The following NOTCH2 variants were observed in gnomAD, a reference collection of about 807,000 sequenced individuals.
NOTCH2 encodes the protein notch receptor 2.
A neutral mutation model predicts 235.8 loss-of-function variants in NOTCH2; 29 were observed. The ratio of observed to expected loss-of-function variants is 0.12; its 90% CI spans 0.09 to 0.17. The LOEUF (loss-of-function observed/expected upper bound fraction) is 0.17, where lower values mean the gene tolerates loss of function less well. Among genes scored for constraint, NOTCH2 ranks in the 10% least tolerant of loss-of-function variants. The probability of loss-of-function intolerance (pLI) is 1.00; values close to 1 mark genes in which losing one functional copy is unlikely to be tolerated. For missense variants in NOTCH2, 2,285 were observed against 3,150.2 expected, an observed-to-expected ratio of 0.73 and a Z score of 6.57; for synonymous variants, 1,086 against 1,141.5, an observed-to-expected ratio of 0.95 and a Z score of 0.98.
chr1:119,950,387 T>C, intron 15 of NOTCH2: 1 of 441,524 alleles, frequency 2.3e-6, no homozygotes, highest in Non-Finnish European at 4.4e-6. Flanking sequence ...GGTAGCTGTA[T>C]TATTGAAACT....
chr1:120,002,590 A>G (rs1317428763), intron 3 of NOTCH2, among the ~76,000 whole-genome samples: 1 of 140,598 alleles, frequency 7.1e-6, no homozygotes, highest in Non-Finnish European at 1.5e-5. Context: ...CAAAATGGGT[A>G]GAAGAAGGTA....
intron 17 of NOTCH2, among the ~76,000 whole-genome samples, chr1:119,946,557 A>T (rs1557816185): frequency 1.3e-5 from 2 of 152,074 alleles, no homozygotes; most frequent in South Asian, 4.1e-4. Flanking sequence ...AAGACCAAAA[A>T]ATAATATCAC....
chr1:120,028,780 C>T (rs1653971136), intron 2 of NOTCH2, among the ~76,000 whole-genome samples: 1 of 138,108 alleles, frequency 7.2e-6, no homozygotes, highest in South Asian at 2.4e-4. Context: ...AGAACAACTA[C>T]TCCTCACAAA....
chr1:120,029,221 C>T lies in NOTCH2; in HGVS notation c.155+685G>A, dbSNP rs781959287. Reference sequence around the variant, plus strand: ...AATATAATATTCACATATACTGGGCCGAATATTAAAGTTGATATCTATTTG... The same window carrying T: ...AATATAATATTCACATATACTGGGCTGAATATTAAAGTTGATATCTATTTG... On this transcript the variant is annotated intron_variant, in intron 2 of 33. Coordinates refer to ENST00000256646, the MANE Select transcript of NOTCH2 (RefSeq NM_024408.4). 6.9e-3 allele frequency among the ~76,000 whole-genome samples: 1,023 copies of T among 148,600 alleles called. 8 individuals are homozygous for T. Among genetic ancestry groups the T allele is most frequent in the Non-Finnish European group, 0.011 (710 of 66,706 alleles).
Position 119,915,974 on chromosome 1 carries a change from G to C in NOTCH2, c.6748C>G (p.Pro2250Ala). The part of the protein sequence containing the change: ...SLSRLHPVPV[P>A]ADWMNRMEVN... ...TCCATGCGGTTCATCCAATCTGCTG[G>C]GACTGGGACTGGATGGAGCCTACTC... The change falls in exon 34 of 34, where the codon CCA (proline) becomes GCA (alanine). Residue 2250 changes from proline to alanine, a missense_variant. Coordinates refer to ENST00000256646, the MANE Select transcript of NOTCH2 (RefSeq NM_024408.4). 6.2e-7 allele frequency: 1 copy of C among 1,614,018 alleles called. No individual in the cohort carries two copies. Among genetic ancestry groups the C allele is most frequent in the Non-Finnish European group, 8.5e-7 (1 of 1,180,038 alleles).
chr1:119,945,057 T>C (rs1205086207), intron 17 of NOTCH2, among the ~76,000 whole-genome samples: 1 of 152,118 alleles, frequency 6.6e-6, no homozygotes, highest in Non-Finnish European at 1.5e-5. Context: ...CTATATACAT[T>C]TTATAACAAC....
Position 119,930,400 on chromosome 1 carries a change from G to C in NOTCH2, c.3656-1188C>G, listed in dbSNP as rs1649613976. On this transcript the variant is annotated intron_variant, in intron 22 of 33. Transcript: ENST00000256646. ...ACTATAGATGTAAATGAGCCATCTA[G>C]TATGAATATCTGCATATAGTGTCTT... Among the ~76,000 whole-genome samples the C allele has an allele frequency of 2.0e-5, 3 of 150,202 alleles. No individual in the cohort carries two copies. The South Asian group carries it at 6.3e-4, about 32-fold the overall frequency.
intron 5 of NOTCH2, among the ~76,000 whole-genome samples, chr1:119,985,888 T>C (rs1306292541): frequency 2.6e-5 from 4 of 152,154 alleles, no homozygotes; most frequent in African/African-American, 9.7e-5. Context: ...GTCCCAATTC[T>C]AGGAAAACCT....
intron 17 of NOTCH2, among the ~76,000 whole-genome samples, chr1:119,944,803 T>TA (rs1650196764): frequency 6.6e-6 from 1 of 151,864 alleles, no homozygotes; most frequent in Non-Finnish European, 1.5e-5. Context: ...TAAAGCAAAA[T>TA]AAAAACCTTT....
At chr1:119,919,753 T>A in intron 30 of NOTCH2, 140 bp from the exon 31 acceptor site, 1 of 818,020 alleles carries the variant, frequency 1.2e-6, no homozygotes, top group Non-Finnish European at 2.0e-6. Flanking sequence ...GTTATTAGTT[T>A]CACATTTGCC....
At chr1:120,051,271 A>ACACACG (rs1409168827) in intron 1 of NOTCH2, among the ~76,000 whole-genome samples, 1 of 102,988 alleles carries the variant, frequency 9.7e-6, no homozygotes, top group Non-Finnish European at 1.7e-5. Context: ...ACACACACAC[A>ACACACG]CACGCACACA....
At chr1:119,979,467 T>C (rs140749776) in intron 5 of NOTCH2, among the ~76,000 whole-genome samples, 28 of 152,268 alleles carry the variant, frequency 1.8e-4, no homozygotes, top group African/African-American at 5.8e-4. Flanking sequence ...ACCCAAGAAT[T>C]TGATATCTAG....
intron 3 of NOTCH2, among the ~76,000 whole-genome samples, chr1:120,001,525 C>T (rs1259602451): frequency 1.3e-5 from 2 of 152,220 alleles, no homozygotes; most frequent in Non-Finnish European, 2.9e-5. Context: ...GCTACTGCCA[C>T]TACAGAGTGC....
At chr1:120,039,678 G>A (rs327212) in intron 1 of NOTCH2, among the ~76,000 whole-genome samples, 23,929 of 149,840 alleles carry the variant, frequency 0.16, 2,087 homozygotes, top group African/African-American at 0.3. Context: ...GAGCCACCGC[G>A]CCCGGCCTTA....
At chr1:119,977,857 A>G (rs2101163942) in intron 5 of NOTCH2, among the ~76,000 whole-genome samples, 1 of 152,242 alleles carries the variant, frequency 6.6e-6, no homozygotes, top group South Asian at 2.1e-4. Flanking sequence ...GTTTATCTAA[A>G]ATATATATAT....
intron 5 of NOTCH2, among the ~76,000 whole-genome samples, chr1:119,984,804 G>A (rs1347973917): frequency 6.6e-6 from 1 of 152,102 alleles, no homozygotes; most frequent in Admixed American, 6.6e-5. Context: ...CAATACAAAC[G>A]TGGTAAGTGT....
intron 5 of NOTCH2, among the ~76,000 whole-genome samples, chr1:119,986,356 C>A (rs1652016917): frequency 6.6e-6 from 1 of 152,142 alleles, no homozygotes; most frequent in Non-Finnish European, 1.5e-5. Flanking sequence ...TTCCAAGAGG[C>A]TGTAAAATTA....
intron 4 of NOTCH2, chr1:119,996,716 A>G: frequency 8.3e-7 from 1 of 1,207,776 alleles, no homozygotes. Flanking sequence ...TCCCTTTCCC[A>G]GAGCTCTGTT....
chr1:119,935,483 G>C lies in NOTCH2; in HGVS notation c.3644C>G (p.Pro1215Arg). The change falls in exon 22 of 34, where the codon CCA becomes CGA. Residue 1215 changes from proline to arginine, a missense_variant. By Grantham distance (103) the Pro-to-Arg change is moderately radical. Coordinates refer to ENST00000256646, the MANE Select transcript of NOTCH2 (RefSeq NM_024408.4). ...GGATGATTTCATACCCCGAGTGCCT[G>C]GTGGGCAAGAGCACTTGAAATGGTT... ...LVNHFKCSCP[P>R]GTRGLLCEEN... The C allele has an allele frequency of 6.2e-7, 1 of 1,614,208 alleles. No individual in the cohort carries two copies. The highest frequency in any genetic ancestry group is 8.5e-7 in the Non-Finnish European group (1 of 1,180,026).
Sources: gnomAD v4.1 joint callset for allele counts (sites outside exome capture counted in the v4.1 genomes callset) on GRCh38, gnomAD v4.1.1 for gene constraint, MANE v1.5 for transcripts, NCBI Gene and HGNC (gene_info 2026-07-23, HGNC 2026-07-21) for gene names.